The following TCF12 variants were observed in gnomAD, a reference collection of about 807,000 sequenced individuals.
TCF12 encodes the protein transcription factor 12.
In TCF12, 45 loss-of-function variants were observed where a neutral mutation model predicts 86.0. The ratio of observed to expected loss-of-function variants is 0.52; its 90% CI spans 0.41 to 0.67. TCF12 has a LOEUF of 0.67. Ranked by LOEUF, TCF12 falls within the 30% of genes least tolerant of loss-of-function variation. The pLI is 0.00. For missense variants in TCF12, 881 were observed against 859.9 expected, an observed-to-expected ratio of 1.02 and a Z score of -0.31; for synonymous variants, 330 against 299.6, an observed-to-expected ratio of 1.10 and a Z score of -1.05.
At chr15:56,948,381 G>A (rs868701733) in intron 3 of TCF12, among the ~76,000 whole-genome samples, 4 of 152,164 alleles carry the variant, frequency 2.6e-5, no homozygotes, top group Middle Eastern at 3.4e-3. Context: ...CATAATGATC[G>A]GAAAAAATGA....
chr15:57,128,571 T>C (rs2051852941), intron 5 of TCF12, among the ~76,000 whole-genome samples: 1 of 152,218 alleles, frequency 6.6e-6, no homozygotes, highest in Non-Finnish European at 1.5e-5. Context: ...AAAATCACCC[T>C]TTTAAAGTAT....
chr15:57,027,246 G>T (rs2065876806), intron 3 of TCF12, among the ~76,000 whole-genome samples: 1 of 152,086 alleles, frequency 6.6e-6, no homozygotes, highest in Non-Finnish European at 1.5e-5. Flanking sequence ...CCTATGTCTT[G>T]GAACGGGTCA....
chr15:57,203,848 C>T (rs984260926), intron 8 of TCF12, among the ~76,000 whole-genome samples: 2 of 152,120 alleles, frequency 1.3e-5, no homozygotes, highest in South Asian at 2.1e-4. Flanking sequence ...CCTAGTGAGA[C>T]CCTGTCACTG....
chr15:57,026,462 A>G (rs962414928), intron 3 of TCF12, among the ~76,000 whole-genome samples: 2 of 152,200 alleles, frequency 1.3e-5, no homozygotes, highest in Non-Finnish European at 2.9e-5. Context: ...ACTCTTGTAG[A>G]AGAGAGGACC....
chr15:57,068,041 A>AT (rs139251415), intron 4 of TCF12, among the ~76,000 whole-genome samples: 3,275 of 150,562 alleles, frequency 0.022, 120 homozygotes, highest in African/African-American at 0.071. Flanking sequence ...CTAGTTTCAG[A>AT]TTTTTTTTTT....
At chr15:57,275,603 T>TA (rs1350538367) in intron 19 of TCF12, among the ~76,000 whole-genome samples, 6 of 152,216 alleles carry the variant, frequency 3.9e-5, no homozygotes, top group Admixed American at 2.0e-4. Context: ...AGTTTTGAGT[T>TA]ATTTTGGTGA....
rs569896993 is a variant in TCF12 at position 56,930,363 on chromosome 15, A to G, written c.148+9265A>G. Among the ~76,000 whole-genome samples the G allele has an allele frequency of 7.9e-5, 12 of 152,336 alleles. No individual in the cohort carries two copies. In the South Asian group the frequency reaches 1.9e-3, roughly 24 times the overall value. On this transcript the variant is annotated intron_variant, in intron 3 of 20. Coordinates refer to ENST00000333725, the MANE Select transcript of TCF12 (RefSeq NM_207037.2). ...GTCAGTTTAGAAAATCTGAGCTTAT[A>G]TGGGCACTTGTGCCAAGGGTAAGAA...
intron 19 of TCF12, among the ~76,000 whole-genome samples, chr15:57,279,962 C>T (rs1183864892): frequency 2.2e-5 from 3 of 134,658 alleles, no homozygotes; most frequent in East Asian, 2.2e-4. Context: ...GGCGCGATTT[C>T]GGCTCACTGC....
chr15:57,140,390 C>T (rs970686056), intron 5 of TCF12, among the ~76,000 whole-genome samples: 4 of 152,156 alleles, frequency 2.6e-5, no homozygotes, highest in Admixed American at 2.0e-4. Flanking sequence ...GACAGATTAT[C>T]GGGATCAGGA....
chr15:56,955,777 C>T (rs1354944476), intron 3 of TCF12, among the ~76,000 whole-genome samples: 1 of 152,056 alleles, frequency 6.6e-6, no homozygotes, highest in Non-Finnish European at 1.5e-5. Context: ...TCAAGTCTTT[C>T]ATGTTCTTTT....
intron 18 of TCF12, among the ~76,000 whole-genome samples, chr15:57,265,649 T>G (rs1204526702): frequency 4.6e-5 from 7 of 152,246 alleles, no homozygotes; most frequent in Admixed American, 4.6e-4. Flanking sequence ...AGAAATGTAC[T>G]GTAGGGACTT....
chr15:56,952,700 A>AT (rs2061336057), intron 3 of TCF12, among the ~76,000 whole-genome samples: 1 of 152,178 alleles, frequency 6.6e-6, no homozygotes, highest in East Asian at 1.9e-4. Context: ...TAGAAATACA[A>AT]TTTTATATAG....
chr15:56,941,134 G>A (rs1236612129), intron 3 of TCF12, among the ~76,000 whole-genome samples: 2 of 151,650 alleles, frequency 1.3e-5, no homozygotes, highest in Non-Finnish European at 1.5e-5. Context: ...GGAGGCTGAG[G>A]TGGGTGTATC....
chr15:57,259,113 A>G (rs2060474199), intron 16 of TCF12, among the ~76,000 whole-genome samples: 1 of 152,186 alleles, frequency 6.6e-6, no homozygotes, highest in Non-Finnish European at 1.5e-5. Flanking sequence ...ACGACATTAT[A>G]GTGCTTTTTT....
chr15:57,001,858 G>A (rs969114950), intron 3 of TCF12, among the ~76,000 whole-genome samples: 1 of 152,192 alleles, frequency 6.6e-6, no homozygotes. Context: ...AGCCACAGGA[G>A]AAGGATTGCC....
intron 3 of TCF12, among the ~76,000 whole-genome samples, chr15:56,947,059 A>G (rs1338407359): frequency 1.3e-5 from 2 of 152,142 alleles, no homozygotes. Context: ...CGGCTTCGCA[A>G]ATTGCTAGGA....
At chr15:57,094,406 G>A (rs1179155950) in intron 5 of TCF12, among the ~76,000 whole-genome samples, 1 of 152,106 alleles carries the variant, frequency 6.6e-6, no homozygotes, top group East Asian at 1.9e-4. Flanking sequence ...CACGACAATA[G>A]CTTGCTTTTG....
intron 8 of TCF12, among the ~76,000 whole-genome samples, chr15:57,218,678 C>T (rs1418790904): frequency 6.6e-6 from 1 of 152,098 alleles, no homozygotes; most frequent in Non-Finnish European, 1.5e-5. Context: ...AGTCCTATTG[C>T]AGGACATTAT....
intron 3 of TCF12, among the ~76,000 whole-genome samples, chr15:57,037,880 T>TA (rs1418836169): frequency 1.3e-5 from 2 of 152,218 alleles, no homozygotes; most frequent in Non-Finnish European, 2.9e-5. Context: ...CTAAAACACA[T>TA]ACGTTTATTG....
Sources: gnomAD v4.1 joint callset for allele counts (sites outside exome capture counted in the v4.1 genomes callset) on GRCh38, gnomAD v4.1.1 for gene constraint, MANE v1.5 for transcripts, NCBI Gene and HGNC (gene_info 2026-07-23, HGNC 2026-07-21) for gene names.